CNKSR3: variants seen among roughly 807,000 people sequenced by gnomAD.
The protein encoded by CNKSR3 is connector enhancer of kinase suppressor of ras 3.
A neutral mutation model predicts 67.7 loss-of-function variants in CNKSR3; 36 were observed. The observed-to-expected ratio is 0.53, with a 90% CI of 0.41 to 0.70. The LOEUF is 0.70. Among genes scored for constraint, CNKSR3 ranks in the 30% least tolerant of loss-of-function variants. The probability of loss-of-function intolerance (pLI) is 0.00; values close to 1 mark genes in which losing one functional copy is unlikely to be tolerated. For synonymous variants in CNKSR3, 281 were observed against 271.4 expected (o/e 1.04, Z -0.35); for missense variants, 630 against 695.2 (o/e 0.91, Z 1.05).
Position 154,442,265 on chromosome 6 carries a change from A to C in CNKSR3, c.242T>G (p.Met81Arg). ...ALNYGLETDN[M>R]KNLVLKLRAS... ...TCTCAGTTTCAGAACCAAGTTCTTC[A>C]TGTTATCAGTTTCGAGGCCATAATT... The change falls in exon 3 of 13, where the codon ATG becomes AGG. Residue 81 changes from methionine (M) to arginine (R), a missense_variant. Transcript: ENST00000607772. The C allele has an allele frequency of 6.2e-7, 1 of 1,614,002 alleles. No homozygotes were observed. Among genetic ancestry groups the C allele is most frequent in the Non-Finnish European group, 8.5e-7 (1 of 1,179,850 alleles).
At chr6:154,464,734 GAAAAAAGA>G (rs919445481) in intron 1 of CNKSR3, among the ~76,000 whole-genome samples, 2 of 150,156 alleles carry the variant, frequency 1.3e-5, no homozygotes, top group Admixed American at 1.3e-4. Context: ...AAAGGAAAAA[GAAAAAAGA>G]AAAAAAGAAA....
chr6:154,459,539 T>C (rs987371355), intron 1 of CNKSR3, among the ~76,000 whole-genome samples: 1 of 152,330 alleles, frequency 6.6e-6, no homozygotes, highest in East Asian at 1.9e-4. Flanking sequence ...ACCAAATACG[T>C]AGTAATGAGC....
At position 154,400,220 on chromosome 6, in the gene CNKSR3, T is replaced by C. The variant is rs752573858; in HGVS notation, c.*6134A>G. On this transcript the variant is annotated 3_prime_UTR_variant, in exon 13 of 13. Transcript: ENST00000607772. The stretch of plus-strand genomic sequence containing the variant: ...TGAATGCTCAGGCTGTAAACTGTCT[T>C]CCTCAGAGAGCAGTGACTCCAATGG... The C allele has an allele frequency of 2.0e-5, 3 of 152,206 alleles. No homozygotes were observed. The highest frequency in any genetic ancestry group is 4.4e-5 in the Non-Finnish European group (3 of 68,038). 9.4% of individuals were successfully genotyped at this position (152,206 alleles called of 1,614,324 possible). A position where few individuals can be genotyped will look rare whatever the true frequency, so the allele number is the denominator to read the frequency against.
intron 1 of CNKSR3, among the ~76,000 whole-genome samples, chr6:154,453,654 C>T (rs1785886917): frequency 6.6e-6 from 1 of 152,176 alleles, no homozygotes; most frequent in African/African-American, 2.4e-5. Context: ...TATTCCAATA[C>T]ATTATGACCT....
intron 1 of CNKSR3, among the ~76,000 whole-genome samples, chr6:154,474,108 G>T (rs1008903660): frequency 6.3e-5 from 7 of 110,602 alleles, no homozygotes; most frequent in Non-Finnish European, 1.0e-4. Flanking sequence ...ACCTCATGGG[G>T]TTATAAAAAA....
chr6:154,420,750 A>G (rs920643282), intron 9 of CNKSR3, among the ~76,000 whole-genome samples: 1 of 151,216 alleles, frequency 6.6e-6, no homozygotes, highest in Admixed American at 6.6e-5. Context: ...CTAAGTTGCT[A>G]TAACACTTGT....
chr6:154,418,006 C>G (rs777363513), intron 9 of CNKSR3, among the ~76,000 whole-genome samples: 1 of 152,252 alleles, frequency 6.6e-6, no homozygotes, highest in Non-Finnish European at 1.5e-5. Flanking sequence ...CTCAGCTCCA[C>G]AGAGTCTGAG....
chr6:154,425,830 C>T (rs1044556450), intron 7 of CNKSR3, among the ~76,000 whole-genome samples: 3 of 132,738 alleles, frequency 2.3e-5, no homozygotes, highest in Non-Finnish European at 3.6e-5. Flanking sequence ...CACTGCTACC[C>T]ACCATACTAG....
At chr6:154,440,378 G>C (rs56159258) in intron 4 of CNKSR3, among the ~76,000 whole-genome samples, 15,187 of 152,202 alleles carry the variant, frequency 0.1, 1,074 homozygotes, top group East Asian at 0.42. Context: ...CAAGTGGGAC[G>C]TGAAAAAACA....
At chr6:154,458,250 C>T (rs1053955453) in intron 1 of CNKSR3, among the ~76,000 whole-genome samples, 5 of 152,132 alleles carry the variant, frequency 3.3e-5, no homozygotes, top group African/African-American at 1.2e-4. Flanking sequence ...GAAAAATAGA[C>T]TCCACCAGTC....
At position 154,450,267 on chromosome 6, in the gene CNKSR3, A is replaced by G. The variant is rs1430781029; in HGVS notation, c.53-9T>C. The G allele has an allele frequency of 6.2e-6, 10 of 1,612,722 alleles. No individual in the cohort carries two copies. In the African/African-American group the frequency reaches 1.1e-4, roughly 17 times the overall value. On this transcript the variant is annotated splice_polypyrimidine_tract_variant and intron_variant, in intron 1 of 12. Transcript: ENST00000607772. Reference sequence around the variant, plus strand: ...CAGGCAGTCATCCAACCCTGCCAAAAACAATCAGAAGTCCCATTATTGCCA... The same window carrying G: ...CAGGCAGTCATCCAACCCTGCCAAAGACAATCAGAAGTCCCATTATTGCCA...
chr6:154,426,929 T>C (rs546968425), intron 7 of CNKSR3, among the ~76,000 whole-genome samples: 11 of 152,348 alleles, frequency 7.2e-5, no homozygotes, highest in Middle Eastern at 3.4e-3. Context: ...TGCAATGTAC[T>C]GAGTCTCGAT....
At chr6:154,465,680 A>G (rs1443500146) in intron 1 of CNKSR3, among the ~76,000 whole-genome samples, 2 of 152,218 alleles carry the variant, frequency 1.3e-5, no homozygotes, top group African/African-American at 4.8e-5. Context: ...TATAACAGGA[A>G]ATTATACACA....
intron 3 of CNKSR3, 70 bp from the exon 4 acceptor site, chr6:154,441,449 A>AGCTATGCTT: frequency 2.7e-6 from 3 of 1,102,272 alleles, no homozygotes; most frequent in Non-Finnish European, 4.2e-6. Flanking sequence ...GGATGTTGGT[A>AGCTATGCTT]AGCATAGCTA....
chr6:154,402,407 G>GT lies in CNKSR3; in HGVS notation c.*3946dup, dbSNP rs1490843046. On this transcript the variant is annotated 3_prime_UTR_variant, in exon 13 of 13. Transcript: ENST00000607772. ...ATAAACACACAGAATTTTCAGCCCA[G>GT]TTTTAATATGCTTTGGATTTTTCAA... is the stretch of plus-strand genomic sequence containing the variant. 1 of 152,150 alleles carries GT rather than the reference G, an allele frequency of 6.6e-6. No individual in the cohort carries two copies. Among genetic ancestry groups the GT allele is most frequent in the Non-Finnish European group, 1.5e-5 (1 of 68,030 alleles). 9.4% of individuals were successfully genotyped at this position (152,150 alleles called of 1,614,324 possible). A position where few individuals can be genotyped will look rare whatever the true frequency, so the allele number is the denominator to read the frequency against.
At chr6:154,416,211 A>C (rs1281518276) in intron 9 of CNKSR3, among the ~76,000 whole-genome samples, 3 of 152,178 alleles carry the variant, frequency 2.0e-5, no homozygotes, top group Non-Finnish European at 4.4e-5. Context: ...CTGTGACCTG[A>C]TTCTAAGGAT....
chr6:154,406,787 G>A lies in CNKSR3; in HGVS notation c.1370-135C>T, dbSNP rs1784802755. The A allele has an allele frequency of 6.1e-5, 44 of 717,612 alleles. No homozygotes were observed. The South Asian group carries it at 7.8e-4, about 13-fold the overall frequency. 44.5% of individuals were successfully genotyped at this position (717,612 alleles called of 1,614,324 possible). Reference sequence around the variant, plus strand: ...GATCTAGACCATCCTGGCCAACATGGTGAAACCCCGTCTCTACTGAAAATA... The same window carrying A: ...GATCTAGACCATCCTGGCCAACATGATGAAACCCCGTCTCTACTGAAAATA... On this transcript the variant is annotated intron_variant, in intron 12 of 12. Coordinates refer to ENST00000607772, the MANE Select transcript of CNKSR3 (RefSeq NM_173515.4).
chr6:154,396,280 T>C lies in CNKSR3; in HGVS notation c.*10074A>G, dbSNP rs1370421538. The C allele has an allele frequency of 6.6e-6, 1 of 152,196 alleles. No individual in the cohort carries two copies. Among genetic ancestry groups the C allele is most frequent in the Non-Finnish European group, 1.5e-5 (1 of 68,040 alleles). The allele number at this position is 152,196 out of a possible 1,614,324, so 9.4% of individuals were successfully genotyped here. On this transcript the variant is annotated 3_prime_UTR_variant, in exon 13 of 13. Coordinates refer to ENST00000607772, the MANE Select transcript of CNKSR3 (RefSeq NM_173515.4). ...TGTAATCCTGTAACCAAAGAAGCGT[T>C]GTTGATGGCCAAGGCTTATTCTTCC... is the stretch of plus-strand genomic sequence containing the variant.
chr6:154,414,701 A>T, intron 9 of CNKSR3: 1 of 564,700 alleles, frequency 1.8e-6, no homozygotes, highest in Middle Eastern at 2.9e-4. Flanking sequence ...AAATCACTTA[A>T]ACATCTGTGG....
Sources: gnomAD v4.1 joint callset for allele counts (sites outside exome capture counted in the v4.1 genomes callset) on GRCh38, gnomAD v4.1.1 for gene constraint, MANE v1.5 for transcripts, NCBI Gene and HGNC (gene_info 2026-07-23, HGNC 2026-07-21) for gene names.